Variants in PREX1 observed in about 807,000 individuals in gnomAD.
The protein encoded by PREX1 is phosphatidylinositol-3,4,5-trisphosphate dependent Rac exchange factor 1, also known as phosphatidylinositol 3,4,5-trisphosphate-dependent Rac exchanger 1 protein.
A neutral mutation model predicts 198.3 loss-of-function variants in PREX1; 41 were observed. That is an observed-to-expected ratio of 0.21 (90% confidence interval 0.16 to 0.27). The LOEUF is 0.27. Among genes scored for constraint, PREX1 ranks in the 10% least tolerant of loss-of-function variants. The pLI is 1.00. For missense variants in PREX1, 1,620 were observed against 2,200.7 expected (o/e 0.74, Z 5.28); for synonymous variants, 843 against 887.2 (o/e 0.95, Z 0.89).
At chr20:48,882,743 T>C in the PREX1 span, among the ~76,000 whole-genome samples, 1 of 151,944 alleles carries the variant, frequency 6.6e-6, no homozygotes, top group Non-Finnish European at 1.5e-5. Flanking sequence ...TCACTGACAC[T>C]TGTTATTATC....
intron 14 of PREX1, among the ~76,000 whole-genome samples, chr20:48,669,984 AG>A (rs2089664545): frequency 6.6e-6 from 1 of 152,138 alleles, no homozygotes; most frequent in South Asian, 2.1e-4. Context: ...ACCATGTACA[AG>A]GAGCTGCAGG....
intron 10 of PREX1, among the ~76,000 whole-genome samples, chr20:48,685,335 T>C (rs929498194): frequency 1.3e-5 from 2 of 152,246 alleles, no homozygotes; most frequent in African/African-American, 4.8e-5. Flanking sequence ...GCTTTTTAAA[T>C]GTGGCATCTA....
intron 13 of PREX1, among the ~76,000 whole-genome samples, chr20:48,678,515 A>G (rs866749415): frequency 6.6e-5 from 10 of 152,098 alleles, no homozygotes; most frequent in African/African-American, 2.4e-4. Flanking sequence ...AAGGGAGCTG[A>G]TATCGTTGGG....
At chr20:48,851,718 G>A in the PREX1 span, among the ~76,000 whole-genome samples, 1 of 152,114 alleles carries the variant, frequency 6.6e-6, no homozygotes, top group Non-Finnish European at 1.5e-5. Flanking sequence ...CTTCCTGAAG[G>A]ACCTGAACCT....
In PREX1 at chr20:48,790,697, C is replaced by T. The variant is rs142215228; in HGVS notation, c.219+36945G>A. ...GAAAGGATCAGGGGCCTGTTAGGCA[C>T]GCCCTAGAGGAAGCCTGGCTGTTCC... is the stretch of plus-strand genomic sequence containing the variant. On this transcript the variant is annotated intron_variant, in intron 1 of 39. Transcript: ENST00000371941. Among the ~76,000 whole-genome samples, 205 of 152,248 alleles carry T rather than the reference C, an allele frequency of 1.3e-3. 2 individuals are homozygous for T. Among genetic ancestry groups the T allele is most frequent in the African/African-American group, 3.1e-3 (127 of 41,550 alleles).
intron 5 of PREX1, among the ~76,000 whole-genome samples, chr20:48,713,872 A>AAAAAAAAAAAAAAAAAG (rs1555837405): frequency 6.8e-6 from 1 of 147,722 alleles, no homozygotes. Flanking sequence ...AAAAAAAAAA[A>AAAAAAAAAAAAAAAAAG]AAAAGAAAAT....
intron 1 of PREX1, among the ~76,000 whole-genome samples, chr20:48,774,128 AGAGAGTTCAATCTCG>A (rs2090250098): frequency 6.6e-6 from 1 of 152,208 alleles, no homozygotes; most frequent in Non-Finnish European, 1.5e-5. Flanking sequence ...GGGGGCGGGT[AGAGAGTTCAATCTCG>A]GACATTTTAA....
At chr20:48,662,229 C>G (rs1458964746) in intron 15 of PREX1, among the ~76,000 whole-genome samples, 1 of 152,186 alleles carries the variant, frequency 6.6e-6, no homozygotes, top group Non-Finnish European at 1.5e-5. Flanking sequence ...GGGCCGCTGG[C>G]TTCGACTCCA....
chr20:48,730,982 C>T (rs1304787252), intron 4 of PREX1, among the ~76,000 whole-genome samples: 1 of 152,128 alleles, frequency 6.6e-6, no homozygotes, highest in Non-Finnish European at 1.5e-5. Flanking sequence ...GGTGACGCAG[C>T]GAGACCCTAT....
chr20:48,629,452 T>C lies in PREX1; in HGVS notation c.4763A>G (p.Gln1588Arg). 6.2e-7 allele frequency: 1 copy of C among 1,613,372 alleles called. No individual in the cohort carries two copies. Among genetic ancestry groups the C allele is most frequent in the Non-Finnish European group, 8.5e-7 (1 of 1,179,772 alleles). Residue 1588 changes from glutamine (Q) to arginine (R), a missense_variant, in exon 37 of 40, where the codon CAG becomes CGG. Physicochemically the swap from Gln to Arg is conservative, Grantham distance 43. Around this residue, in one of 7 missense-constraint regions of PREX1, gnomAD observed 476 missense variants for 603.4 expected, o/e 0.79. Transcript: ENST00000371941. Reference protein sequence around the residue: ...CQMVMCGTGMQRSTLSVSLEQ... With the variant: ...CQMVMCGTGMRRSTLSVSLEQ... ...GACTCAGCGGGCAGCAGCTCACCTC[T>C]GCATGCCTGTGCCACACATGACCAT...
chr20:48,842,794 T>C, the PREX1 span, among the ~76,000 whole-genome samples: 1 of 151,968 alleles, frequency 6.6e-6, no homozygotes, highest in East Asian at 1.9e-4. Flanking sequence ...TGACTTCACT[T>C]CTTGGGGGCC....
Position 48,826,124 on chromosome 20 carries a change from G to A in PREX1, c.219+1518C>T, listed in dbSNP as rs576039157. On this transcript the variant is annotated intron_variant, in intron 1 of 39. Transcript: ENST00000371941. ...CCCTAAGCCATGAGGAGCCCCAGAG[G>A]ACCCCAGAGTCTCCCTCTTTCTCCC... Among the ~76,000 whole-genome samples, 7 of 151,690 alleles carry A rather than the reference G, an allele frequency of 4.6e-5. No individual in the cohort carries two copies. The South Asian group carries it at 1.2e-3, about 27-fold the overall frequency.
intron 5 of PREX1, among the ~76,000 whole-genome samples, chr20:48,711,830 T>C (rs1028261817): frequency 2.6e-5 from 4 of 152,210 alleles, no homozygotes; most frequent in South Asian, 4.1e-4. Context: ...AAGGTTCTCA[T>C]GGATGGGGCG....
chr20:48,679,991 C>T (rs1290197104), intron 11 of PREX1, among the ~76,000 whole-genome samples: 1 of 152,144 alleles, frequency 6.6e-6, no homozygotes, highest in Non-Finnish European at 1.5e-5. Flanking sequence ...ACGTGCAGGA[C>T]CCTGCTGAGA....
intron 14 of PREX1, among the ~76,000 whole-genome samples, chr20:48,671,921 G>A (rs547966030): frequency 1.4e-4 from 22 of 152,314 alleles, no homozygotes; most frequent in African/African-American, 2.6e-4. Context: ...TTGCATGGTC[G>A]GCTACAGCCT....
chr20:48,813,327 G>A (rs894460087), intron 1 of PREX1, among the ~76,000 whole-genome samples: 25 of 152,240 alleles, frequency 1.6e-4, no homozygotes, highest in African/African-American at 5.5e-4. Context: ...TCTCAGTGGA[G>A]ACTCTCTACT....
At chr20:48,698,582 T>G (rs874156) in intron 7 of PREX1, among the ~76,000 whole-genome samples, 276 of 151,976 alleles carry the variant, frequency 1.8e-3, no homozygotes, top group African/African-American at 6.4e-3. Context: ...TAGACAGACC[T>G]CAAGGAGTGG....
chr20:48,662,608 C>G (rs1162023015), intron 15 of PREX1, among the ~76,000 whole-genome samples: 1 of 152,216 alleles, frequency 6.6e-6, no homozygotes, highest in Non-Finnish European at 1.5e-5. Context: ...CTGGTCAGCC[C>G]TAAGGTGGGA....
intron 22 of PREX1, 69 bp from the exon 23 acceptor site, chr20:48,651,124 G>A: frequency 3.8e-6 from 6 of 1,563,140 alleles, no homozygotes; most frequent in Non-Finnish European, 5.2e-6. Context: ...TTCACCCACA[G>A]TGACTCCTGT....
Sources: allele counts gnomAD v4.1 joint callset (sites outside exome capture counted in the v4.1 genomes callset), GRCh38; gene constraint gnomAD v4.1.1; regional missense constraint gnomAD v4.1.1; transcripts MANE v1.5; gene names NCBI Gene and HGNC (gene_info 2026-07-23, HGNC 2026-07-21).